The following UGT1A9 variants were observed in gnomAD, a reference collection of about 807,000 sequenced individuals.
UGT1A9 encodes UDP-glucuronosyltransferase 1A9.
Under a neutral mutation model 45.0 loss-of-function variants are expected in UGT1A9, and 35 were observed. The ratio of observed to expected loss-of-function variants is 0.78; its 90% CI spans 0.59 to 1.03. UGT1A9 has a LOEUF of 1.03. Among genes scored for constraint, UGT1A9 ranks in the 50% least tolerant of loss-of-function variants. The pLI is 0.00. For missense variants in UGT1A9, 687 were observed against 666.6 expected (o/e 1.03, Z -0.34); for synonymous variants, 278 against 250.6 (o/e 1.11, Z -1.03).
At chr2:233,762,433 T>C (rs1249713494) in intron 1 of UGT1A9, among the ~76,000 whole-genome samples, 1 of 152,232 alleles carries the variant, frequency 6.6e-6, no homozygotes, top group African/African-American at 2.4e-5. Context: ...AGAGTAACAG[T>C]GTATTCCCAC....
intron 1 of UGT1A9, chr2:233,718,949 C>T: frequency 1.9e-6 from 3 of 1,614,166 alleles, no homozygotes; most frequent in Non-Finnish European, 2.5e-6. Context: ...CCTGGCTCAG[C>T]ATGCGGGAGG....
intron 1 of UGT1A9, among the ~76,000 whole-genome samples, chr2:233,764,973 G>C (rs553153469): frequency 6.6e-6 from 1 of 152,178 alleles, no homozygotes; most frequent in African/African-American, 2.4e-5. Context: ...GGAGAAGGAT[G>C]GTCAGTGTCT....
chr2:233,715,422 G>A (rs1232475756), intron 1 of UGT1A9, among the ~76,000 whole-genome samples: 1 of 152,116 alleles, frequency 6.6e-6, no homozygotes, highest in Admixed American at 6.5e-5. Flanking sequence ...CATTTTATCT[G>A]ATATCAGTAA....
At position 233,773,221 on chromosome 2, in the gene UGT1A9, T is replaced by C. The variant is rs1191094075; in HGVS notation, c.*662T>C. ...ATTTGATAAAAACCCAAAATACAGC[T>C]ATGAAGTGCTGGGCAAGTTTACTTT... On this transcript the variant is annotated 3_prime_UTR_variant, in exon 5 of 5. Coordinates refer to ENST00000354728, the MANE Select transcript of UGT1A9 (RefSeq NM_021027.3). The C allele has an allele frequency of 6.6e-6, 1 of 152,384 alleles. No individual in the cohort carries two copies. The highest frequency in any genetic ancestry group is 2.4e-5 in the African/African-American group (1 of 41,462). 9.4% of individuals were successfully genotyped at this position (152,384 alleles called of 1,614,324 possible). A position where few individuals can be genotyped will look rare whatever the true frequency, so the allele number is the denominator to read the frequency against.
At chr2:233,717,135 C>T (rs1269027331) in intron 1 of UGT1A9, among the ~76,000 whole-genome samples, 2 of 152,326 alleles carry the variant, frequency 1.3e-5, no homozygotes, top group Middle Eastern at 3.4e-3. Flanking sequence ...TAGAACACCA[C>T]TACATGGAAA....
Position 233,758,200 on chromosome 2 carries a change from T to C in UGT1A9, c.856-8834T>C, listed in dbSNP as rs184891359. Among the ~76,000 whole-genome samples the C allele has an allele frequency of 3.3e-4, 50 of 152,348 alleles. No homozygotes were observed. In the East Asian group the frequency reaches 9.2e-3, roughly 28 times the overall value. On this transcript the variant is annotated intron_variant, in intron 1 of 4. Coordinates refer to ENST00000354728, the MANE Select transcript of UGT1A9 (RefSeq NM_021027.3). ...AGATATTAATTGGATTGCTTAGTAGTGGTTCTCTGTTGTAATTCATGAGCA... is the reference window on the plus strand; with the variant it reads ...AGATATTAATTGGATTGCTTAGTAGCGGTTCTCTGTTGTAATTCATGAGCA...
intron 1 of UGT1A9, chr2:233,741,470 G>C (rs1212824071): frequency 1.3e-5 from 2 of 150,616 alleles, no homozygotes; most frequent in East Asian, 3.8e-4. Context: ...ACACATGTAA[G>C]TTCCCTCGTC....
intron 1 of UGT1A9, among the ~76,000 whole-genome samples, chr2:233,706,394 A>G (rs2075906140): frequency 6.6e-6 from 1 of 152,228 alleles, no homozygotes; most frequent in Non-Finnish European, 1.5e-5. Context: ...GGCCAAGTAC[A>G]TTTACCACTC....
In UGT1A9 at chr2:233,753,335, C is replaced by T. The variant is rs1327117570; in HGVS notation, c.856-13699C>T. 3.9e-5 allele frequency: 6 copies of T among 151,986 alleles called. No homozygotes were observed. The East Asian group carries it at 9.6e-4, about 24-fold the overall frequency. 9.4% of individuals were successfully genotyped at this position (151,986 alleles called of 1,614,324 possible). A position where few individuals can be genotyped will look rare whatever the true frequency, so the allele number is the denominator to read the frequency against. ...CTGTGGGATGGTGCCAGCTGACTGC[C>T]ATTTTCCTGCTGTTTATTACTTGGG... On this transcript the variant is annotated intron_variant, in intron 1 of 4. Coordinates refer to ENST00000354728, the MANE Select transcript of UGT1A9 (RefSeq NM_021027.3).
intron 1 of UGT1A9, among the ~76,000 whole-genome samples, chr2:233,759,178 G>A (rs1697077752): frequency 6.6e-6 from 1 of 152,148 alleles, no homozygotes; most frequent in South Asian, 2.1e-4. Context: ...AGGTTTCACG[G>A]CAAAAAGTTC....
intron 1 of UGT1A9, among the ~76,000 whole-genome samples, chr2:233,724,736 C>A (rs1232972283): frequency 7.0e-6 from 1 of 142,768 alleles, no homozygotes; most frequent in African/African-American, 2.6e-5. Flanking sequence ...GGCAGAGGGG[C>A]TCCTCACATC....
At chr2:233,744,867 G>T (rs1318227544) in intron 1 of UGT1A9, among the ~76,000 whole-genome samples, 4 of 151,860 alleles carry the variant, frequency 2.6e-5, no homozygotes, top group African/African-American at 7.3e-5. Flanking sequence ...ATTCTGAAGG[G>T]ATTAGTTTAG....
intron 1 of UGT1A9, among the ~76,000 whole-genome samples, chr2:233,688,647 C>T (rs1036657892): frequency 2.6e-5 from 4 of 152,162 alleles, no homozygotes; most frequent in African/African-American, 9.7e-5. Context: ...GTTGGTGTTA[C>T]AGAATAACAT....
intron 1 of UGT1A9, chr2:233,693,243 T>C: frequency 6.2e-7 from 1 of 1,614,170 alleles, no homozygotes; most frequent in Non-Finnish European, 8.5e-7. Flanking sequence ...ATCTATCCAG[T>C]GCCGTATGAC....
At chr2:233,753,470 T>A (rs532317483) in intron 1 of UGT1A9, 1 of 152,352 alleles carries the variant, frequency 6.6e-6, no homozygotes, top group South Asian at 2.1e-4. Context: ...CTGTAAAAAA[T>A]TACCAGCATG....
In UGT1A9 at chr2:233,772,247, T is replaced by C. The variant is rs192933567; in HGVS notation, c.1296-15T>C. The C allele has an allele frequency of 3.1e-6, 5 of 1,614,090 alleles. No individual in the cohort carries two copies. In the African/African-American group the frequency reaches 5.3e-5, roughly 17 times the overall value. On this transcript the variant is annotated splice_polypyrimidine_tract_variant and intron_variant, in intron 4 of 4. Transcript: ENST00000354728. ...ACAGGTGTTCCAGGCATAACGAAAC[T>C]GTCTTTGTGTTTAGTTACAAGGAGA...
chr2:233,725,598 A>C (rs2077461459), intron 1 of UGT1A9, among the ~76,000 whole-genome samples: 1 of 152,158 alleles, frequency 6.6e-6, no homozygotes, highest in Admixed American at 6.5e-5. Flanking sequence ...TATTTGACAT[A>C]GTTTTTTCTT....
At chr2:233,736,043 T>C (rs984870391) in intron 1 of UGT1A9, among the ~76,000 whole-genome samples, 7 of 152,202 alleles carry the variant, frequency 4.6e-5, no homozygotes, top group South Asian at 2.1e-4. Context: ...TTTCCTGAAT[T>C]TGAATGTTGG....
chr2:233,672,256 CTAT>C lies in UGT1A9; in HGVS notation c.325_327del (p.Leu109del). The C allele has an allele frequency of 4.3e-6, 7 of 1,614,158 alleles. No individual in the cohort carries two copies. The highest frequency in any genetic ancestry group is 5.9e-6 in the Non-Finnish European group (7 of 1,180,022). On this transcript the variant is annotated inframe_deletion, in exon 1 of 5. Transcript: ENST00000354728. ...AGCACAAGTACGAAGTATATATTCT[CTAT>C]TAATGGGTTCATACAATGACATTTT...
Sources: gnomAD v4.1 joint callset for allele counts (sites outside exome capture counted in the v4.1 genomes callset) on GRCh38, gnomAD v4.1.1 for gene constraint, MANE v1.5 for transcripts, NCBI Gene and HGNC (gene_info 2026-07-23, HGNC 2026-07-21) for gene names.